Variants in ZNF609 observed in about 807,000 individuals in gnomAD.
ZNF609 encodes the protein zinc finger protein 609.
A neutral mutation model predicts 109.5 loss-of-function variants in ZNF609; 11 were observed. That is an observed-to-expected ratio of 0.10 (90% CI 0.06 to 0.17). ZNF609 has a LOEUF of 0.17. Among genes scored for constraint, ZNF609 ranks in the 10% least tolerant of loss-of-function variants. The pLI is 1.00. For synonymous variants in ZNF609, 646 were observed against 662.0 expected (o/e 0.98, Z 0.37); for missense variants, 1,559 against 1,772.4 (o/e 0.88, Z 2.16).
At chr15:64,592,243 T>C (rs746229467) in intron 2 of ZNF609, among the ~76,000 whole-genome samples, 24 of 152,130 alleles carry the variant, frequency 1.6e-4, no homozygotes, top group African/African-American at 4.8e-5. Flanking sequence ...TATCCATCTA[T>C]AGTTAATTGG....
intron 3 of ZNF609, among the ~76,000 whole-genome samples, chr15:64,647,233 A>AT (rs1188701937): frequency 6.6e-6 from 1 of 152,020 alleles, no homozygotes; most frequent in East Asian, 1.9e-4. Context: ...CAAATATTGT[A>AT]TTTTTTCCAC....
At chr15:64,618,813 T>A (rs1263040991) in intron 2 of ZNF609, among the ~76,000 whole-genome samples, 1 of 152,144 alleles carries the variant, frequency 6.6e-6, no homozygotes, top group Non-Finnish European at 1.5e-5. Flanking sequence ...CTTCTGCCAA[T>A]GTGTTCCTCT....
chr15:64,599,169 T>G (rs1256243506), intron 2 of ZNF609, among the ~76,000 whole-genome samples: 226 of 78,818 alleles, frequency 2.9e-3, no homozygotes, highest in African/African-American at 0.018. Flanking sequence ...TTTGTGGTGG[T>G]TTTTTTTTTT....
chr15:64,503,756 G>A (rs934606331), intron 2 of ZNF609, among the ~76,000 whole-genome samples: 1 of 152,182 alleles, frequency 6.6e-6, no homozygotes, highest in Non-Finnish European at 1.5e-5. Context: ...TGCTTTTCCC[G>A]TGTTTGAATG....
intron 2 of ZNF609, among the ~76,000 whole-genome samples, chr15:64,540,700 G>A (rs115755974): frequency 2.0e-5 from 3 of 151,434 alleles, no homozygotes; most frequent in South Asian, 4.2e-4. Flanking sequence ...TACCGTGTCC[G>A]GCCACAGATA....
chr15:64,678,033 T>A, intron 5 of ZNF609, 83 bp from the exon 6 acceptor site: 10 of 1,523,644 alleles, frequency 6.6e-6, no homozygotes, highest in Non-Finnish European at 8.8e-6. Context: ...TTATCTGCTC[T>A]GGTGGTTCTA....
At chr15:64,665,504 C>A (rs542356850) in intron 3 of ZNF609, among the ~76,000 whole-genome samples, 5 of 152,316 alleles carry the variant, frequency 3.3e-5, no homozygotes, top group South Asian at 2.1e-4. Flanking sequence ...GTAATCCCAG[C>A]TCTTTAGGAA....
chr15:64,499,845 C>T lies in ZNF609; in HGVS notation c.426C>T (p.Gly142=), dbSNP rs1672148372. ...TGGTTGCTGCTATTGCTCCCAAGGG[C>T]TCAGAGAAGGCGGCTAAGGCATCCC... ...GGLVAAIAPK[G]SEKAAKASRS... Residue 142 remains glycine, a synonymous_variant, in exon 2 of 10, where the codon GGC becomes GGT. Coordinates refer to ENST00000326648, the MANE Select transcript of ZNF609 (RefSeq NM_015042.2). 2 of 1,614,044 alleles carry T rather than the reference C, an allele frequency of 1.2e-6. No homozygotes were observed. Among genetic ancestry groups the T allele is most frequent in the Non-Finnish European group, 8.5e-7 (1 of 1,179,994 alleles).
intron 2 of ZNF609, among the ~76,000 whole-genome samples, chr15:64,504,535 G>T (rs901760888): frequency 2.6e-5 from 4 of 151,966 alleles, no homozygotes; most frequent in African/African-American, 4.8e-5. Context: ...GCAGTGGCAC[G>T]ATCTCGGCTC....
At chr15:64,550,327 G>A (rs747742846) in intron 2 of ZNF609, among the ~76,000 whole-genome samples, 3 of 92,708 alleles carry the variant, frequency 3.2e-5, no homozygotes, top group Non-Finnish European at 8.9e-5. Context: ...TGTTGTTATT[G>A]TTGTTGTTGT....
chr15:64,474,062 C>T (rs759810099), intron 1 of ZNF609, among the ~76,000 whole-genome samples: 3 of 151,360 alleles, frequency 2.0e-5, no homozygotes, highest in African/African-American at 4.9e-5. Context: ...CGTGAGCTAC[C>T]GTGCCTGGCC....
At chr15:64,469,121 T>C (rs1893057755) in intron 1 of ZNF609, among the ~76,000 whole-genome samples, 1 of 147,654 alleles carries the variant, frequency 6.8e-6, no homozygotes, top group East Asian at 2.0e-4. Context: ...AAATTAGCCG[T>C]GTGTGGTGGC....
chr15:64,553,574 T>G (rs1894524033), intron 2 of ZNF609, among the ~76,000 whole-genome samples: 1 of 151,144 alleles, frequency 6.6e-6, no homozygotes, highest in Non-Finnish European at 1.5e-5. Context: ...TTTTTTAATT[T>G]TATTTTTTAT....
At position 64,631,350 on chromosome 15, in the gene ZNF609, G is replaced by T. The variant is rs868267882; in HGVS notation, c.973+8298G>T. The stretch of plus-strand genomic sequence containing the variant: ...CATTAATTCTCTTGGCAAGAATCTT[G>T]CCCTTGTTTGTTTACAACAATGCCA... On this transcript the variant is annotated intron_variant, in intron 3 of 9. Coordinates refer to ENST00000326648, the MANE Select transcript of ZNF609 (RefSeq NM_015042.2). 51 of 716,884 alleles carry T rather than the reference G, an allele frequency of 7.1e-5. 1 individual carries two copies. In the Middle Eastern group the frequency reaches 3.8e-3, roughly 54 times the overall value. The allele number at this position is 716,884 out of a possible 1,614,324, so 44.4% of individuals were successfully genotyped here. A position where few individuals can be genotyped will look rare whatever the true frequency, so the allele number is the denominator to read the frequency against.
chr15:64,674,965 T>C lies in ZNF609; in HGVS notation c.2111T>C (p.Ile704Thr), dbSNP rs1595760725. ...AMPNSPQLKPIQPKPTVMGEP... is the reference protein window; with the variant it reads ...AMPNSPQLKPTQPKPTVMGEP... ...CCCAACAGTCCCCAACTCAAGCCCA[T>C]TCAGCCCAAGCCCACTGTTATGGGA... Residue 704 changes from isoleucine to threonine, a missense_variant, in exon 5 of 10, where the codon ATT becomes ACT. By Grantham distance (89) the Ile-to-Thr change is moderately conservative. Transcript: ENST00000326648. 1.2e-6 allele frequency: 2 copies of C among 1,614,020 alleles called. No homozygotes were observed. The highest frequency in any genetic ancestry group is 1.7e-6 in the Non-Finnish European group (2 of 1,180,026).
chr15:64,575,857 C>G (rs1894943170), intron 2 of ZNF609, among the ~76,000 whole-genome samples: 1 of 152,156 alleles, frequency 6.6e-6, no homozygotes, highest in African/African-American at 2.4e-5. Flanking sequence ...AATCCCAGCA[C>G]TTTGGGAGGC....
At chr15:64,583,637 T>G (rs1308503989) in intron 2 of ZNF609, among the ~76,000 whole-genome samples, 2 of 152,216 alleles carry the variant, frequency 1.3e-5, no homozygotes, top group East Asian at 3.9e-4. Context: ...TGTGAGTGTT[T>G]CATTTCATCT....
intron 3 of ZNF609, chr15:64,631,042 C>T (rs1896066053): frequency 6.4e-6 from 2 of 311,100 alleles, no homozygotes; most frequent in Non-Finnish European, 1.2e-5. Flanking sequence ...GGAGAGGACA[C>T]CACACTTCTA....
At chr15:64,579,515 A>G (rs890596831) in intron 2 of ZNF609, among the ~76,000 whole-genome samples, 1 of 151,926 alleles carries the variant, frequency 6.6e-6, no homozygotes, top group Admixed American at 6.6e-5. Flanking sequence ...GTTCGATACT[A>G]GCCTGGCCAA....
Sources: gnomAD v4.1 joint callset for allele counts (sites outside exome capture counted in the v4.1 genomes callset) on GRCh38, gnomAD v4.1.1 for gene constraint, MANE v1.5 for transcripts, NCBI Gene and HGNC (gene_info 2026-07-23, HGNC 2026-07-21) for gene names.